PDE4D: variants seen among roughly 807,000 people sequenced by gnomAD.
The protein encoded by PDE4D is phosphodiesterase 4D.
In PDE4D, 24 loss-of-function variants were observed where a neutral mutation model predicts 87.4. The ratio of observed to expected loss-of-function variants is 0.27; its 90% CI spans 0.20 to 0.39. The LOEUF (loss-of-function observed/expected upper bound fraction) is 0.39. Among genes scored for constraint, PDE4D ranks in the 10% least tolerant of loss-of-function variants. The probability of loss-of-function intolerance (pLI) is 1.00; values close to 1 mark genes in which losing one functional copy is unlikely to be tolerated. For synonymous variants in PDE4D, 384 were observed against 383.2 expected (o/e 1.00, Z -0.02); for missense variants, 714 against 1,041.0 (o/e 0.69, Z 4.32).
chr5:59,677,015 G>A (rs1041165215), intron 1 of PDE4D, among the ~76,000 whole-genome samples: 1 of 151,222 alleles, frequency 6.6e-6, no homozygotes, highest in African/African-American at 2.4e-5. Context: ...TTTTTTGAGT[G>A]AGAAAGCAGT....
Position 60,300,369 on chromosome 5 carries a change from G to GTT in PDE4D, c.-89-114684_-89-114683dup, listed in dbSNP as rs199960743. Among the ~76,000 whole-genome samples the GTT allele has an allele frequency of 5.7e-4, 87 of 151,320 alleles. 1 individual carries two copies. Among genetic ancestry groups the GTT allele is most frequent in the African/African-American group, 1.9e-3 (77 of 41,226 alleles). On this transcript the variant is annotated intron_variant, in intron 1 of 16. Transcript: ENST00000502484. Reference sequence around the variant, plus strand: ...AAGCTGTCTGTTCACTCTGATGATAGTTTTTTTTTGCTGTGCAGGGGCTCT... The same window carrying GTT: ...AAGCTGTCTGTTCACTCTGATGATAGTTTTTTTTTTTGCTGTGCAGGGGCTCT...
intron 1 of PDE4D, among the ~76,000 whole-genome samples, chr5:59,341,815 A>T (rs1047331754): frequency 6.6e-6 from 1 of 152,164 alleles, no homozygotes; most frequent in Non-Finnish European, 1.5e-5. Context: ...TAATTTTTCT[A>T]TTCAAACTTG....
At chr5:60,209,472 AT>A (rs1244183744) in intron 1 of PDE4D, among the ~76,000 whole-genome samples, 2 of 152,178 alleles carry the variant, frequency 1.3e-5, no homozygotes, top group Non-Finnish European at 2.9e-5. Context: ...CAACACTTCA[AT>A]CCAGCAAAGG....
intron 3 of PDE4D, among the ~76,000 whole-genome samples, chr5:59,188,973 C>T (rs1743566357): frequency 6.6e-6 from 1 of 152,090 alleles, no homozygotes; most frequent in African/African-American, 2.4e-5. Context: ...AACGAGGTGA[C>T]TATCTTCTTT....
chr5:59,401,156 T>C (rs1582402636), intron 1 of PDE4D, among the ~76,000 whole-genome samples: 1 of 152,338 alleles, frequency 6.6e-6, no homozygotes, highest in South Asian at 2.1e-4. Flanking sequence ...GTAAATTTCA[T>C]GTTTATGGCT....
intron 1 of PDE4D, among the ~76,000 whole-genome samples, chr5:59,530,666 A>C (rs1168144679): frequency 6.6e-6 from 1 of 152,208 alleles, no homozygotes; most frequent in Non-Finnish European, 1.5e-5. Context: ...CGAAAGGCCT[A>C]CTGTACTTGG....
intron 1 of PDE4D, among the ~76,000 whole-genome samples, chr5:60,338,357 T>A (rs1360129649): frequency 6.6e-6 from 1 of 152,180 alleles, no homozygotes; most frequent in Non-Finnish European, 1.5e-5. Context: ...ACGACCACTA[T>A]CCTGTAGCAA....
At chr5:59,828,545 C>T (rs756000579) in intron 1 of PDE4D, among the ~76,000 whole-genome samples, 45 of 151,966 alleles carry the variant, frequency 3.0e-4, no homozygotes, top group Non-Finnish European at 5.6e-4. Flanking sequence ...ATTTGTCCTA[C>T]GAGTCTGCTG....
intron 5 of PDE4D, chr5:59,179,706 A>T (rs1741024380): frequency 2.3e-6 from 1 of 433,316 alleles, no homozygotes; most frequent in Admixed American, 2.7e-5. Flanking sequence ...TCCTCAGCAC[A>T]TTATGGGTTG....
chr5:59,924,300 G>A (rs571577907), intron 3 of PDE4D, among the ~76,000 whole-genome samples: 1 of 152,086 alleles, frequency 6.6e-6, no homozygotes, highest in Admixed American at 6.5e-5. Context: ...AGAGACATAG[G>A]GATAAAAAGT....
At chr5:59,407,974 T>C (rs1791989863) in intron 1 of PDE4D, among the ~76,000 whole-genome samples, 1 of 152,208 alleles carries the variant, frequency 6.6e-6, no homozygotes, top group African/African-American at 2.4e-5. Context: ...AGCTATGTGA[T>C]AGAAAATAAA....
At chr5:60,314,585 A>G (rs1474874072) in intron 1 of PDE4D, among the ~76,000 whole-genome samples, 2 of 152,132 alleles carry the variant, frequency 1.3e-5, no homozygotes, top group Non-Finnish European at 2.9e-5. Context: ...TGCTGCATCC[A>G]TTAACTCATC....
At chr5:59,042,303 G>C (rs1324442624) in intron 5 of PDE4D, among the ~76,000 whole-genome samples, 1 of 152,210 alleles carries the variant, frequency 6.6e-6, no homozygotes, top group South Asian at 2.1e-4. Flanking sequence ...AGTGTTCTAA[G>C]ACATCAAGTA....
At chr5:59,247,747 C>T (rs1036957622) in intron 1 of PDE4D, among the ~76,000 whole-genome samples, 1 of 152,010 alleles carries the variant, frequency 6.6e-6, no homozygotes, top group Non-Finnish European at 1.5e-5. Context: ...GCTCCTCCTC[C>T]TTGATCTTTA....
intron 1 of PDE4D, among the ~76,000 whole-genome samples, chr5:59,648,017 T>G (rs185495404): frequency 6.6e-6 from 1 of 152,322 alleles, no homozygotes; most frequent in Admixed American, 6.5e-5. Context: ...TGTGTGATTA[T>G]GTATATATCC....
At chr5:59,067,611 G>A (rs966395854) in intron 5 of PDE4D, among the ~76,000 whole-genome samples, 2 of 152,166 alleles carry the variant, frequency 1.3e-5, no homozygotes, top group South Asian at 2.1e-4. Flanking sequence ...ATTCATATGG[G>A]TTTGCCAAAT....
intron 1 of PDE4D, among the ~76,000 whole-genome samples, chr5:60,197,070 T>TAGAC (rs376124483): frequency 0.16 from 19,121 of 121,886 alleles, 1,970 homozygotes; most frequent in Middle Eastern, 0.23. Context: ...GATAGATAGA[T>TAGAC]AGACAGTTAG....
intron 5 of PDE4D, among the ~76,000 whole-genome samples, chr5:59,058,210 C>A (rs1355899824): frequency 6.6e-6 from 1 of 152,124 alleles, no homozygotes; most frequent in Non-Finnish European, 1.5e-5. Flanking sequence ...GTTTCTAATG[C>A]ATCTGAGAAT....
At chr5:59,287,988 A>T (rs1348575584) in intron 1 of PDE4D, among the ~76,000 whole-genome samples, 1 of 152,136 alleles carries the variant, frequency 6.6e-6, no homozygotes, top group African/African-American at 2.4e-5. Context: ...AAGCCTCACC[A>T]AGAAGGACAG....
Sources: gnomAD v4.1 joint callset for allele counts (sites outside exome capture counted in the v4.1 genomes callset) on GRCh38, gnomAD v4.1.1 for gene constraint, MANE v1.5 for transcripts, NCBI Gene and HGNC (gene_info 2026-07-23, HGNC 2026-07-21) for gene names.